Variants in CNTNAP2 observed in about 807,000 individuals in gnomAD.
The protein encoded by CNTNAP2 is contactin-associated protein-like 2.
A neutral mutation model predicts 155.2 loss-of-function variants in CNTNAP2; 98 were observed. The observed-to-expected ratio is 0.63, with a 90% confidence interval of 0.54 to 0.75. CNTNAP2 has a LOEUF of 0.75. Ranked by LOEUF, CNTNAP2 falls within the 30% of genes least tolerant of loss-of-function variation. The pLI, the probability that CNTNAP2 is intolerant of heterozygous loss-of-function variation, is 0.00. For synonymous variants in CNTNAP2, 651 were observed against 631.2 expected (o/e 1.03, Z -0.47); for missense variants, 1,727 against 1,688.1 (o/e 1.02, Z -0.40).
At chr7:146,513,522 A>G (rs1314358908) in intron 1 of CNTNAP2, among the ~76,000 whole-genome samples, 1 of 151,222 alleles carries the variant, frequency 6.6e-6, no homozygotes, top group Non-Finnish European at 1.5e-5. Context: ...TAAACAAACA[A>G]CAATTAACTT....
rs143998039 is a variant in CNTNAP2, at chr7:146,233,175, G to GTTT, written c.97+116209_97+116211dup. ...GAAAAAGAAAAATCCAAAAAAAAGT[G>GTTT]TTTTTTTTTATTATGGTTTACTTGA... On this transcript the variant is annotated intron_variant, in intron 1 of 23. Transcript: ENST00000361727. Among the ~76,000 whole-genome samples, 9 of 151,104 alleles carry GTTT rather than the reference G, an allele frequency of 6.0e-5. No individual in the cohort carries two copies. The East Asian group carries it at 1.8e-3, about 30-fold the overall frequency.
rs533655795 is a variant in CNTNAP2, at chr7:147,802,081, G to A, written c.2099-101484G>A. On this transcript the variant is annotated intron_variant, in intron 13 of 23. Transcript: ENST00000361727. ...AGACGGGGCAGTTGCCGGGCGGAGG[G>A]TCTCCTCACTTCTCAGACGGGGCGG... 1.0e-3 allele frequency among the ~76,000 whole-genome samples: 144 copies of A among 140,094 alleles called. 2 individuals carry two copies. The South Asian group carries it at 0.012, about 12-fold the overall frequency. 91.9% of individuals were successfully genotyped at this position (140,094 alleles called of 152,430 possible). A position where few individuals can be genotyped will look rare whatever the true frequency, so the allele number is the denominator to read the frequency against.
intron 3 of CNTNAP2, among the ~76,000 whole-genome samples, chr7:146,902,688 A>C (rs1796027156): frequency 6.6e-6 from 1 of 152,208 alleles, no homozygotes; most frequent in South Asian, 2.1e-4. Context: ...AGTGAACGTT[A>C]ACCTAGTCTC....
intron 1 of CNTNAP2, among the ~76,000 whole-genome samples, chr7:146,745,109 T>C (rs747816314): frequency 1.4e-4 from 21 of 152,128 alleles, no homozygotes; most frequent in Non-Finnish European, 1.0e-4. Flanking sequence ...ACAATATTAA[T>C]AGAATCATCC....
chr7:147,128,979 T>G lies in CNTNAP2; in HGVS notation c.1083+143T>G, dbSNP rs922273102. 5 of 1,042,096 alleles carry G rather than the reference T, an allele frequency of 4.8e-6. No homozygotes were observed. In the African/African-American group the frequency reaches 6.3e-5, roughly 13 times the overall value. The allele number at this position is 1,042,096 out of a possible 1,614,324, so 64.6% of individuals were successfully genotyped here. On this transcript the variant is annotated intron_variant, in intron 7 of 23. Transcript: ENST00000361727. ...AAATGATGTAAAACAAACATTAGAG[T>G]TATCAGAATTAGTATAGATACTTGC...
chr7:146,555,898 A>G (rs184046912), intron 1 of CNTNAP2, among the ~76,000 whole-genome samples: 325 of 152,306 alleles, frequency 2.1e-3, no homozygotes, highest in African/African-American at 7.1e-3. Context: ...CTCTTCTAAC[A>G]GAAGTGTTAC....
chr7:146,971,956 T>C (rs1042569685), intron 3 of CNTNAP2, among the ~76,000 whole-genome samples: 6 of 152,216 alleles, frequency 3.9e-5, no homozygotes, highest in African/African-American at 1.4e-4. Context: ...ATAGCTAGAC[T>C]AATACATGTT....
chr7:147,291,553 A>G (rs928768081), intron 8 of CNTNAP2, among the ~76,000 whole-genome samples: 18 of 152,072 alleles, frequency 1.2e-4, no homozygotes, highest in African/African-American at 4.3e-4. Context: ...CTGTATGTAC[A>G]TGTGTTTATT....
At chr7:146,172,423 A>AGAGG (rs540186239) in intron 1 of CNTNAP2, among the ~76,000 whole-genome samples, 72 of 152,220 alleles carry the variant, frequency 4.7e-4, no homozygotes, top group African/African-American at 1.7e-3. Context: ...AGAAATTCTT[A>AGAGG]TTGAAACATA....
chr7:148,063,491 G>T (rs1434548242), intron 15 of CNTNAP2, among the ~76,000 whole-genome samples: 1 of 146,958 alleles, frequency 6.8e-6, no homozygotes, highest in Admixed American at 6.8e-5. Flanking sequence ...TTTTTATTTT[G>T]GATAGTTTCT....
At chr7:147,333,841 G>T (rs749112282) in intron 9 of CNTNAP2, among the ~76,000 whole-genome samples, 1 of 152,104 alleles carries the variant, frequency 6.6e-6, no homozygotes, top group Non-Finnish European at 1.5e-5. Flanking sequence ...GGCAGTCATG[G>T]ACTAGAGTAT....
At chr7:147,419,422 G>C (rs1408290571) in intron 10 of CNTNAP2, among the ~76,000 whole-genome samples, 1 of 152,034 alleles carries the variant, frequency 6.6e-6, no homozygotes, top group South Asian at 2.1e-4. Flanking sequence ...GAGAAATTAT[G>C]TTCTTGATAT....
intron 1 of CNTNAP2, among the ~76,000 whole-genome samples, chr7:146,212,107 A>G (rs1306777379): frequency 1.3e-5 from 2 of 152,214 alleles, no homozygotes; most frequent in African/African-American, 4.8e-5. Context: ...TTGAAAATCC[A>G]GGATATATAG....
chr7:147,361,888 G>A lies in CNTNAP2; in HGVS notation c.1499-33721G>A, dbSNP rs551385178. Among the ~76,000 whole-genome samples, 11 of 152,242 alleles carry A rather than the reference G, an allele frequency of 7.2e-5. No individual in the cohort carries two copies. The East Asian group carries it at 2.1e-3, about 30-fold the overall frequency. ...ATATTGAGGATGGCTCTTCTCTACT[G>A]CATGATATCAGATGGCTAAGGGGGT... On this transcript the variant is annotated intron_variant, in intron 9 of 23. Coordinates refer to ENST00000361727, the MANE Select transcript of CNTNAP2 (RefSeq NM_014141.6).
chr7:147,168,141 CTAA>C (rs1400742408), intron 8 of CNTNAP2, among the ~76,000 whole-genome samples: 1 of 148,610 alleles, frequency 6.7e-6, no homozygotes, highest in Non-Finnish European at 1.5e-5. Context: ...ATTTCTATAT[CTAA>C]TGTCATGCAT....
intron 15 of CNTNAP2, among the ~76,000 whole-genome samples, chr7:148,076,492 G>A (rs1207805074): frequency 7.7e-6 from 1 of 129,812 alleles, no homozygotes; most frequent in African/African-American, 3.1e-5. Flanking sequence ...CTGGAGTGCA[G>A]TGGCCCGATC....
chr7:147,120,123 A>G (rs1244691574), intron 5 of CNTNAP2, among the ~76,000 whole-genome samples: 2 of 152,194 alleles, frequency 1.3e-5, no homozygotes, highest in Non-Finnish European at 2.9e-5. Flanking sequence ...GCCATTAACA[A>G]TTGCATATTG....
At chr7:146,676,753 C>G (rs2129169109) in intron 1 of CNTNAP2, among the ~76,000 whole-genome samples, 1 of 152,236 alleles carries the variant, frequency 6.6e-6, no homozygotes, top group South Asian at 2.1e-4. Flanking sequence ...GAGAGCCAAG[C>G]AAAAGAGGAA....
At chr7:147,298,879 A>C (rs1166839963) in intron 8 of CNTNAP2, among the ~76,000 whole-genome samples, 3 of 152,226 alleles carry the variant, frequency 2.0e-5, no homozygotes, top group African/African-American at 4.8e-5. Flanking sequence ...CTTAGCTCAC[A>C]GGTTATAGAA....
Sources: allele counts gnomAD v4.1 joint callset (sites outside exome capture counted in the v4.1 genomes callset), GRCh38; gene constraint gnomAD v4.1.1; transcripts MANE v1.5; gene names NCBI Gene and HGNC (gene_info 2026-07-23, HGNC 2026-07-21).